The following RNLS variants were observed in gnomAD, a reference collection of about 807,000 sequenced individuals.
RNLS encodes the protein renalase, FAD dependent amine oxidase, also known as renalase.
In RNLS, 39 loss-of-function variants were observed where a neutral mutation model predicts 39.8. That is an observed-to-expected ratio of 0.98 (90% CI 0.76 to 1.28). The LOEUF is 1.28. RNLS is among the 50% of genes most tolerant of loss of function. RNLS has a pLI of 0.00. For synonymous variants in RNLS, 147 were observed against 150.7 expected, an observed-to-expected ratio of 0.98 and a Z score of 0.18; for missense variants, 410 against 413.3, an observed-to-expected ratio of 0.99 and a Z score of 0.07.
chr10:88,210,476 A>T, the RNLS span, among the ~76,000 whole-genome samples: 1 of 152,318 alleles, frequency 6.6e-6, no homozygotes, highest in Non-Finnish European at 1.5e-5. Context: ...CACCCAGACC[A>T]GTGTATTCAG....
chr10:88,242,673 G>A, the RNLS span, among the ~76,000 whole-genome samples: 1 of 152,194 alleles, frequency 6.6e-6, no homozygotes, highest in Non-Finnish European at 1.5e-5. Flanking sequence ...AAGGGAGGCT[G>A]GGCACGGTGG....
Position 88,452,089 on chromosome 10 carries a change from T to C in RNLS, c.527-89364A>G, listed in dbSNP as rs117585719. On this transcript the variant is annotated intron_variant, in intron 4 of 6. Coordinates refer to ENST00000331772, the MANE Select transcript of RNLS (RefSeq NM_001031709.3). ...TATTATATGTGTGGAGGTTAAGCAA[T>C]ACAGTAGAAAGGGCCCTAACTTTAG... Among the ~76,000 whole-genome samples, 33 of 152,342 alleles carry C rather than the reference T, an allele frequency of 2.2e-4. No homozygotes were observed. In the East Asian group the frequency reaches 2.9e-3, roughly 13 times the overall value.
chr10:88,398,169 A>G (rs1272074087), intron 4 of RNLS, among the ~76,000 whole-genome samples: 1 of 152,088 alleles, frequency 6.6e-6, no homozygotes, highest in Admixed American at 6.6e-5. Flanking sequence ...GGCACACCAC[A>G]CCACGGAAGG....
intron 6 of RNLS, among the ~76,000 whole-genome samples, chr10:88,289,236 T>C (rs1843501841): frequency 6.6e-6 from 1 of 152,182 alleles, no homozygotes; most frequent in South Asian, 2.1e-4. Context: ...CCAAAGCCCC[T>C]CATGGAGAGC....
chr10:88,471,825 C>T (rs575034074), intron 4 of RNLS, among the ~76,000 whole-genome samples: 1 of 152,244 alleles, frequency 6.6e-6, no homozygotes, highest in East Asian at 1.9e-4. Flanking sequence ...ACAACACATG[C>T]TCAATGTTGC....
intron 4 of RNLS, among the ~76,000 whole-genome samples, chr10:88,458,589 T>C (rs1436012350): frequency 1.3e-5 from 2 of 152,172 alleles, no homozygotes; most frequent in Non-Finnish European, 2.9e-5. Flanking sequence ...TAGTACTTGG[T>C]GTGGTTAATT....
intron 5 of RNLS, among the ~76,000 whole-genome samples, chr10:88,329,427 TTTTC>T (rs1267911436): frequency 6.6e-6 from 1 of 152,118 alleles, no homozygotes; most frequent in Non-Finnish European, 1.5e-5. Context: ...TTTTATGGTT[TTTTC>T]TTTGTCTTTG....
intron 4 of RNLS, among the ~76,000 whole-genome samples, chr10:88,547,854 TAC>T (rs1848396325): frequency 6.6e-6 from 1 of 152,156 alleles, no homozygotes; most frequent in Admixed American, 6.5e-5. Context: ...CTGCAATGCA[TAC>T]ATAGATCAAA....
chr10:88,432,314 A>G (rs1855181987), intron 4 of RNLS, among the ~76,000 whole-genome samples: 1 of 151,756 alleles, frequency 6.6e-6, no homozygotes, highest in Non-Finnish European at 1.5e-5. Flanking sequence ...GGCATATATT[A>G]TTCATCCTTT....
chr10:88,568,116 A>T, intron 4 of RNLS, among the ~76,000 whole-genome samples: 1 of 152,212 alleles, frequency 6.6e-6, no homozygotes, highest in Non-Finnish European at 1.5e-5. Context: ...AAAATAAGTG[A>T]AATCTGTGCA....
downstream of RNLS, among the ~76,000 whole-genome samples, chr10:88,282,478 T>TACACACAC (rs60829171): frequency 6.3e-5 from 9 of 142,932 alleles, no homozygotes; most frequent in African/African-American, 2.1e-4. Flanking sequence ...AAAGTGAAAA[T>TACACACAC]ACACACACAC....
intron 5 of RNLS, among the ~76,000 whole-genome samples, chr10:88,320,723 A>C (rs1846126376): frequency 6.6e-6 from 1 of 150,400 alleles, no homozygotes; most frequent in Admixed American, 6.7e-5. Context: ...TATAATGATA[A>C]AGGGTTCAAT....
Position 88,424,791 on chromosome 10 carries a change from C to T in RNLS, c.527-62066G>A, listed in dbSNP as rs550316864. On this transcript the variant is annotated intron_variant, in intron 4 of 6. Transcript: ENST00000331772. The stretch of plus-strand genomic sequence containing the variant: ...TGCAGAGTAAGGAAAATGCATAGGA[C>T]CCGAGCTGTTGAGCACTGGGGCAGA... Among the ~76,000 whole-genome samples the T allele has an allele frequency of 3.3e-5, 5 of 152,104 alleles. No individual in the cohort carries two copies. The South Asian group carries it at 1.0e-3, about 32-fold the overall frequency.
the RNLS span, among the ~76,000 whole-genome samples, chr10:88,256,816 T>G: frequency 6.6e-6 from 1 of 152,210 alleles, no homozygotes. Flanking sequence ...TATTCAAACG[T>G]CAACCATTCT....
chr10:88,276,879 T>C (rs1478296729), intron 6 of RNLS, among the ~76,000 whole-genome samples: 1 of 152,228 alleles, frequency 6.6e-6, no homozygotes. Flanking sequence ...GCAATTTCCC[T>C]CTAGGGACAT....
At chr10:88,384,927 T>G (rs888162721) in intron 4 of RNLS, among the ~76,000 whole-genome samples, 4 of 152,244 alleles carry the variant, frequency 2.6e-5, no homozygotes, top group African/African-American at 9.6e-5. Flanking sequence ...TCACTTAGGC[T>G]TACACCTAGC....
chr10:88,362,831 T>A, intron 4 of RNLS, 106 bp from the exon 5 acceptor site: 1 of 894,374 alleles, frequency 1.1e-6, no homozygotes, highest in Non-Finnish European at 1.7e-6. Context: ...TTCCACCAAC[T>A]CCATCTCACT....
chr10:88,359,381 T>A (rs1018373193), intron 5 of RNLS, among the ~76,000 whole-genome samples: 6 of 151,978 alleles, frequency 3.9e-5, no homozygotes, highest in Non-Finnish European at 8.8e-5. Flanking sequence ...TAGAGTGAAG[T>A]TACATTACAT....
At chr10:88,331,685 G>T (rs532971488) in intron 5 of RNLS, among the ~76,000 whole-genome samples, 1 of 152,174 alleles carries the variant, frequency 6.6e-6, no homozygotes, top group Non-Finnish European at 1.5e-5. Flanking sequence ...TTTTAGGGGT[G>T]GTGGTCTGCT....
Sources: allele counts gnomAD v4.1 joint callset (sites outside exome capture counted in the v4.1 genomes callset), GRCh38; gene constraint gnomAD v4.1.1; transcripts MANE v1.5; gene names NCBI Gene and HGNC (gene_info 2026-07-23, HGNC 2026-07-21).